Variants in FRMD3 observed in about 807,000 individuals in gnomAD.
FRMD3 encodes the protein FERM domain-containing protein 3.
Under a neutral mutation model 70.2 loss-of-function variants are expected in FRMD3, and 33 were observed. The ratio of observed to expected loss-of-function variants is 0.47; its 90% CI spans 0.36 to 0.63. The LOEUF (loss-of-function observed/expected upper bound fraction) is 0.63, where lower values mean the gene tolerates loss of function less well. Ranked by LOEUF, FRMD3 falls within the 20% of genes least tolerant of loss-of-function variation. FRMD3 has a pLI of 0.00. For synonymous variants in FRMD3, 279 were observed against 255.9 expected, an observed-to-expected ratio of 1.09 and a Z score of -0.86; for missense variants, 632 against 711.4, an observed-to-expected ratio of 0.89 and a Z score of 1.27.
At chr9:83,382,305 C>G (rs1030439343) in intron 2 of FRMD3, among the ~76,000 whole-genome samples, 1 of 152,006 alleles carries the variant, frequency 6.6e-6, no homozygotes, top group Non-Finnish European at 1.5e-5. Flanking sequence ...TTCAAGGGTA[C>G]ATGTGCAGAA....
chr9:83,447,109 T>C (rs987838029), intron 1 of FRMD3, among the ~76,000 whole-genome samples: 1 of 152,144 alleles, frequency 6.6e-6, no homozygotes, highest in African/African-American at 2.4e-5. Flanking sequence ...CTGCAAGCTC[T>C]GCCTCCCTGG....
intron 2 of FRMD3, among the ~76,000 whole-genome samples, chr9:83,378,977 C>T (rs1825276139): frequency 6.6e-6 from 1 of 150,538 alleles, no homozygotes; most frequent in Non-Finnish European, 1.5e-5. Context: ...ATCCACCTGC[C>T]TCAGCCTCTC....
Position 83,247,707 on chromosome 9 carries a change from C to T in FRMD3, c.*211G>A. ...AACATATTTTTGGTTATTTAAAGAC[C>T]ATCTTCCTAACCTGTAACTAAAATA... On this transcript the variant is annotated 3_prime_UTR_variant, in exon 14 of 14. Transcript: ENST00000304195. 3 of 1,366,598 alleles carry T rather than the reference C, an allele frequency of 2.2e-6. No homozygotes were observed. Among genetic ancestry groups the T allele is most frequent in the South Asian group, 1.8e-5 (1 of 54,522 alleles). The allele number at this position is 1,366,598 out of a possible 1,614,324, so 84.7% of individuals were successfully genotyped here.
In FRMD3 at chr9:83,248,528, C is replaced by CATTTTTTTTTCTA; in HGVS notation, c.1196-25_1196-13dup. 2 of 1,532,482 alleles carry CATTTTTTTTTCTA rather than the reference C, an allele frequency of 1.3e-6. No individual in the cohort carries two copies. Among genetic ancestry groups the CATTTTTTTTTCTA allele is most frequent in the Non-Finnish European group, 1.7e-6 (2 of 1,146,096 alleles). The allele number at this position is 1,532,482 out of a possible 1,614,324, so 94.9% of individuals were successfully genotyped here. ...AGGCAATGGAACACCTGTAAAGAGA[C>CATTTTTTTTTCTA]ATTTTTTTTTCTAAATTTAAAATTT... On this transcript the variant is annotated splice_polypyrimidine_tract_variant and intron_variant, in intron 13 of 13. Coordinates refer to ENST00000304195, the MANE Select transcript of FRMD3 (RefSeq NM_174938.6).
At chr9:83,552,142 G>C in the FRMD3 span, among the ~76,000 whole-genome samples, 1 of 152,142 alleles carries the variant, frequency 6.6e-6, no homozygotes, top group African/African-American at 2.4e-5. Flanking sequence ...CACTGCCTTA[G>C]CTGTGTCCCA....
chr9:83,259,707 G>C (rs1437162488), intron 13 of FRMD3, among the ~76,000 whole-genome samples: 1 of 152,154 alleles, frequency 6.6e-6, no homozygotes, highest in Non-Finnish European at 1.5e-5. Context: ...CTGAAAGTAT[G>C]ACAACCACAG....
chr9:83,500,500 GCGCACA>G (rs1299528675), intron 1 of FRMD3, among the ~76,000 whole-genome samples: 13 of 136,632 alleles, frequency 9.5e-5, no homozygotes, highest in Non-Finnish European at 1.4e-4. Context: ...GCGTGTATGC[GCGCACA>G]CACACACACA....
intron 13 of FRMD3, among the ~76,000 whole-genome samples, chr9:83,272,877 C>T (rs190918619): frequency 0.21 from 27,922 of 131,308 alleles, 3,334 homozygotes; most frequent in African/African-American, 0.35. Flanking sequence ...CCACCCCGTC[C>T]GAGAAGTGAG....
chr9:83,480,074 C>T (rs959314845), intron 1 of FRMD3, among the ~76,000 whole-genome samples: 5 of 152,122 alleles, frequency 3.3e-5, no homozygotes, highest in African/African-American at 1.2e-4. Flanking sequence ...TCTAGCAATG[C>T]CATTCCATTC....
chr9:83,486,147 T>C (rs75852895), intron 1 of FRMD3, among the ~76,000 whole-genome samples: 8,151 of 152,216 alleles, frequency 0.054, 275 homozygotes, highest in South Asian at 0.13. Context: ...CATTGAATAA[T>C]ATCCTATGAA....
the FRMD3 span, among the ~76,000 whole-genome samples, chr9:83,582,907 T>C: frequency 1.9e-4 from 29 of 152,306 alleles, no homozygotes; most frequent in Non-Finnish European, 3.5e-4. Context: ...CAGTTTCAAG[T>C]TGTAAGAGAC....
chr9:83,444,449 C>A (rs1827397418), intron 1 of FRMD3, among the ~76,000 whole-genome samples: 1 of 152,242 alleles, frequency 6.6e-6, no homozygotes, highest in Non-Finnish European at 1.5e-5. Flanking sequence ...GTCTCCTCCT[C>A]TTCAAATCTT....
downstream of FRMD3, among the ~76,000 whole-genome samples, chr9:83,243,546 C>T (rs752698520): frequency 2.0e-5 from 3 of 152,126 alleles, no homozygotes; most frequent in African/African-American, 4.8e-5. Flanking sequence ...AGTGGCCAAC[C>T]GCCATTTTGT....
chr9:83,356,036 T>C (rs1367693013), intron 3 of FRMD3, among the ~76,000 whole-genome samples: 1 of 152,120 alleles, frequency 6.6e-6, no homozygotes, highest in Non-Finnish European at 1.5e-5. Flanking sequence ...TTTTGCTGAT[T>C]TGATAACACT....
At chr9:83,580,956 A>G in the FRMD3 span, among the ~76,000 whole-genome samples, 1 of 152,150 alleles carries the variant, frequency 6.6e-6, no homozygotes, top group South Asian at 2.1e-4. Context: ...AGCATAATGG[A>G]AAATAAAAGT....
chr9:83,399,028 A>G (rs1004490829), intron 1 of FRMD3, among the ~76,000 whole-genome samples: 3 of 152,230 alleles, frequency 2.0e-5, no homozygotes, highest in Admixed American at 2.0e-4. Flanking sequence ...GGTAGCCCCT[A>G]CACACTATGA....
intron 1 of FRMD3, among the ~76,000 whole-genome samples, chr9:83,527,571 A>T (rs1419222446): frequency 1.3e-5 from 2 of 152,184 alleles, no homozygotes; most frequent in Non-Finnish European, 2.9e-5. Context: ...ACTATTCCAG[A>T]TGTGGTCCAC....
chr9:83,349,906 T>C (rs552090282), intron 3 of FRMD3, 149 bp from the exon 4 acceptor site: 384 of 553,744 alleles, frequency 6.9e-4, no homozygotes, highest in Non-Finnish European at 1.1e-3. Context: ...GCAGATATGA[T>C]GCCCAAGAAA....
At chr9:83,452,325 G>A (rs560893558) in intron 1 of FRMD3, among the ~76,000 whole-genome samples, 10 of 152,258 alleles carry the variant, frequency 6.6e-5, no homozygotes, top group Non-Finnish European at 1.2e-4. Context: ...CCATGTGTGA[G>A]GTGTGCCTCC....
Sources: gnomAD v4.1 joint callset for allele counts (sites outside exome capture counted in the v4.1 genomes callset) on GRCh38, gnomAD v4.1.1 for gene constraint, MANE v1.5 for transcripts, NCBI Gene and HGNC (gene_info 2026-07-23, HGNC 2026-07-21) for gene names.